The following ZNF341 variants were observed in gnomAD, a reference collection of about 807,000 sequenced individuals.
ZNF341 encodes zinc finger protein 341.
A neutral mutation model predicts 87.7 loss-of-function variants in ZNF341; 52 were observed. The observed-to-expected ratio is 0.59, with a 90% CI of 0.47 to 0.75. ZNF341 has a LOEUF of 0.75. ZNF341 is among the 30% of genes least tolerant of loss of function. ZNF341 has a pLI of 0.00. For missense variants in ZNF341, 977 were observed against 1,145.9 expected, an observed-to-expected ratio of 0.85 and a Z score of 2.13; for synonymous variants, 459 against 472.7, an observed-to-expected ratio of 0.97 and a Z score of 0.38.
chr20:33,750,331 TGTCC>T (rs1356644251), intron 4 of ZNF341, among the ~76,000 whole-genome samples: 7 of 152,226 alleles, frequency 4.6e-5, no homozygotes, highest in Admixed American at 1.3e-4. Context: ...CCCCTTGCTG[TGTCC>T]CTGGATTCTT....
chr20:33,764,543 G>GTATATATATATATATATATA lies in ZNF341; in HGVS notation c.1223-2289_1223-2288insATATATATATATATATATAT, dbSNP rs1171402724. On this transcript the variant is annotated intron_variant, in intron 8 of 14. Coordinates refer to ENST00000375200, the MANE Select transcript of ZNF341 (RefSeq NM_001282933.2). ...TATATATATGTGTGTGTGTGTATGT[G>GTATATATATATATATATATA]TATATATATATATATATATTTTTTT... 5.4e-3 allele frequency among the ~76,000 whole-genome samples: 376 copies of GTATATATATATATATATATA among 69,254 alleles called. 9 individuals are homozygous for GTATATATATATATATATATA. The highest frequency in any genetic ancestry group is 7.2e-3 in the Non-Finnish European group (306 of 42,436). The allele number at this position is 69,254 out of a possible 152,430, so 45.4% of individuals were successfully genotyped here. A position where few individuals can be genotyped will look rare whatever the true frequency, so the allele number is the denominator to read the frequency against.
In ZNF341 at chr20:33,745,278, C is replaced by G; in HGVS notation, c.318C>G (p.Ala106=). The change falls in exon 3 of 15, where the codon GCC becomes GCG. Residue 106 remains alanine, a synonymous_variant. Coordinates refer to ENST00000375200, the MANE Select transcript of ZNF341 (RefSeq NM_001282933.2). ...PSAAPTAVQQ[A]PTPANRQIST... ...CAGCACCCACAGCGGTCCAGCAGGCCCCAACTCCTGCCAATCGCCAGGTAT... is the reference window on the plus strand; with the variant it reads ...CAGCACCCACAGCGGTCCAGCAGGCGCCAACTCCTGCCAATCGCCAGGTAT... 6.2e-7 allele frequency: 1 copy of G among 1,612,358 alleles called. No individual in the cohort carries two copies. Among genetic ancestry groups the G allele is most frequent in the Non-Finnish European group, 8.5e-7 (1 of 1,178,774 alleles).
At chr20:33,749,815 C>CA (rs2019016620) in intron 4 of ZNF341, among the ~76,000 whole-genome samples, 1 of 150,976 alleles carries the variant, frequency 6.6e-6, no homozygotes, top group Non-Finnish European at 1.5e-5. Context: ...TGCAGTGGTG[C>CA]GATCTTGGCT....
rs148128311 is a variant in ZNF341, at chr20:33,760,189, G to T, written c.1028+1383G>T. Among the ~76,000 whole-genome samples, 519 of 152,176 alleles carry T rather than the reference G, an allele frequency of 3.4e-3. 3 individuals are homozygous for T. The highest frequency in any genetic ancestry group is 0.011 in the African/African-American group (449 of 41,530). On this transcript the variant is annotated intron_variant, in intron 7 of 14. Transcript: ENST00000375200. Reference sequence around the variant, plus strand: ...AGGCTGAGGTGGGTAGATCACTTGAGGTCAGGAGTTCAAGACCAGCCTGGC... The same window carrying T: ...AGGCTGAGGTGGGTAGATCACTTGATGTCAGGAGTTCAAGACCAGCCTGGC...
At chr20:33,753,064 T>C in intron 4 of ZNF341, 108 bp from the exon 5 acceptor site, 1 of 1,508,066 alleles carries the variant, frequency 6.6e-7, no homozygotes, top group South Asian at 1.2e-5. Context: ...AGCTGTCTGG[T>C]AAGTAGCTGT....
chr20:33,735,515 G>A (rs1002712893), intron 1 of ZNF341, among the ~76,000 whole-genome samples: 2 of 152,062 alleles, frequency 1.3e-5, no homozygotes, highest in Non-Finnish European at 2.9e-5. Context: ...ATGAGGTCTT[G>A]CTATGTTGCC....
chr20:33,786,709 C>T (rs974231912), intron 12 of ZNF341, among the ~76,000 whole-genome samples: 2 of 152,110 alleles, frequency 1.3e-5, no homozygotes, highest in African/African-American at 4.8e-5. Context: ...TGGCTCATGC[C>T]TGTAATCTCA....
In ZNF341 at chr20:33,738,384, T is replaced by C. The variant is rs182117081; in HGVS notation, c.32-2518T>C. Among the ~76,000 whole-genome samples the C allele has an allele frequency of 4.6e-5, 7 of 152,292 alleles. No individual in the cohort carries two copies. In the East Asian group the frequency reaches 9.6e-4, roughly 21 times the overall value. On this transcript the variant is annotated intron_variant, in intron 1 of 14. Coordinates refer to ENST00000375200, the MANE Select transcript of ZNF341 (RefSeq NM_001282933.2). ...TATTTATGTCTACACCTTACCAGAATGTAGGTTCCTCTTATCCTCCTAACC... is the reference window on the plus strand; with the variant it reads ...TATTTATGTCTACACCTTACCAGAACGTAGGTTCCTCTTATCCTCCTAACC...
At chr20:33,781,488 A>G (rs1471661731) in intron 11 of ZNF341, 101 bp downstream of exon 11, 6 of 1,050,294 alleles carry the variant, frequency 5.7e-6, no homozygotes, top group Non-Finnish European at 8.7e-6. Flanking sequence ...CTCTCACCAT[A>G]GGACACGCAG....
At chr20:33,753,557 T>C (rs1442402298) in intron 5 of ZNF341, 134 bp downstream of exon 5, 8 of 1,201,800 alleles carry the variant, frequency 6.7e-6, no homozygotes, top group Non-Finnish European at 9.0e-6. Context: ...GTCCTGGCCT[T>C]CATGGGGTGT....
intron 8 of ZNF341, among the ~76,000 whole-genome samples, chr20:33,763,204 T>C (rs1250995134): frequency 6.6e-6 from 1 of 152,198 alleles, no homozygotes; most frequent in East Asian, 1.9e-4. Flanking sequence ...ATTTAGAGGG[T>C]ACATGTGCTT....
chr20:33,752,269 A>T (rs2019075323), intron 4 of ZNF341: 1 of 598,818 alleles, frequency 1.7e-6, no homozygotes, highest in African/African-American at 1.8e-5. Flanking sequence ...CATCCTCATA[A>T]CATTTTCTGG....
chr20:33,735,967 T>C (rs927266074), intron 1 of ZNF341, among the ~76,000 whole-genome samples: 5 of 152,072 alleles, frequency 3.3e-5, no homozygotes, highest in African/African-American at 1.2e-4. Flanking sequence ...CCCGTCATAA[T>C]TCCCTAGTGA....
At chr20:33,753,726 A>G (rs967445043) in intron 5 of ZNF341, among the ~76,000 whole-genome samples, 3 of 152,036 alleles carry the variant, frequency 2.0e-5, no homozygotes, top group Non-Finnish European at 4.4e-5. Context: ...CTTTTCAGGC[A>G]AAAAAAAGAA....
rs774493720 is a variant in ZNF341, at chr20:33,791,353, C to T, written c.2401C>T (p.Leu801=). Residue 801 remains leucine (L), a synonymous_variant, in exon 15 of 15, where the codon CTG becomes TTG. Coordinates refer to ENST00000375200, the MANE Select transcript of ZNF341 (RefSeq NM_001282933.2). ...GCCCTTCGCAGAGCCGGACGCGGTG[C>T]TGTCCATCGTTGTGGGTGGTGCGGT... The part of the protein sequence containing the change: ...KPPFAEPDAV[L]SIVVGGAVGA... 2 of 1,612,422 alleles carry T rather than the reference C, an allele frequency of 1.2e-6. No homozygotes were observed. The highest frequency in any genetic ancestry group is 2.2e-5 in the South Asian group (2 of 90,992).
At chr20:33,738,550 A>C (rs1017647736) in intron 1 of ZNF341, among the ~76,000 whole-genome samples, 1 of 152,324 alleles carries the variant, frequency 6.6e-6, no homozygotes, top group African/African-American at 2.4e-5. Context: ...GTTAAAGGCA[A>C]GATGGGGGTT....
At chr20:33,736,404 T>A (rs1194771812) in intron 1 of ZNF341, among the ~76,000 whole-genome samples, 3 of 152,118 alleles carry the variant, frequency 2.0e-5, no homozygotes, top group Non-Finnish European at 4.4e-5. Flanking sequence ...GGCAGAAATT[T>A]AATTTACAGT....
intron 11 of ZNF341, 29 bp downstream of exon 11, chr20:33,781,416 C>T (rs1293652064): frequency 1.2e-6 from 2 of 1,600,768 alleles, no homozygotes; most frequent in Non-Finnish European, 1.7e-6. Flanking sequence ...TTTTCTGGGG[C>T]CTAGGCTATA....
intron 12 of ZNF341, among the ~76,000 whole-genome samples, chr20:33,784,959 G>C (rs2019823207): frequency 6.6e-6 from 1 of 152,166 alleles, no homozygotes. Flanking sequence ...TGGGGACACT[G>C]CTCTCACTGT....
Sources: allele counts gnomAD v4.1 joint callset (sites outside exome capture counted in the v4.1 genomes callset), GRCh38; gene constraint gnomAD v4.1.1; transcripts MANE v1.5; gene names NCBI Gene and HGNC (gene_info 2026-07-23, HGNC 2026-07-21).